The following ARFGAP3 variants were observed in gnomAD, a reference collection of about 807,000 sequenced individuals.
The protein encoded by ARFGAP3 is ARF GTPase activating protein 3.
In ARFGAP3, 72 loss-of-function variants were observed where a neutral mutation model predicts 75.0. That is an observed-to-expected ratio of 0.96 (90% CI 0.79 to 1.17). The LOEUF is 1.17. ARFGAP3 is among the 50% of genes most tolerant of loss of function. The pLI, the probability that ARFGAP3 is intolerant of heterozygous loss-of-function variation, is 0.00. For synonymous variants in ARFGAP3, 221 were observed against 217.9 expected (o/e 1.01, Z -0.13); for missense variants, 620 against 626.6 (o/e 0.99, Z 0.11).
At chr22:42,834,477 C>G in intron 4 of ARFGAP3, 152 bp from the exon 5 acceptor site, 1 of 1,361,400 alleles carries the variant, frequency 7.3e-7, no homozygotes, top group Non-Finnish European at 9.7e-7. Flanking sequence ...AGGACCTCTG[C>G]GTGCACTTTA....
rs566673845 is a variant in ARFGAP3, at chr22:42,823,751, C to T, written c.626-49G>A. ...AGTAAGACCAATAGAAATAATTTTTCTTTTTTAGTGTGTCTTTTAAAATTC... is the reference window on the plus strand; with the variant it reads ...AGTAAGACCAATAGAAATAATTTTTTTTTTTTAGTGTGTCTTTTAAAATTC... On this transcript the variant is annotated intron_variant, in intron 7 of 15. Coordinates refer to ENST00000263245, the MANE Select transcript of ARFGAP3 (RefSeq NM_014570.5). 36 of 1,437,620 alleles carry T rather than the reference C, an allele frequency of 2.5e-5. No individual in the cohort carries two copies. In the African/African-American group the frequency reaches 5.1e-4, roughly 20 times the overall value. The allele number at this position is 1,437,620 out of a possible 1,614,324, so 89.1% of individuals were successfully genotyped here.
intron 11 of ARFGAP3, among the ~76,000 whole-genome samples, chr22:42,811,454 G>A (rs1233509254): frequency 6.6e-6 from 1 of 152,190 alleles, no homozygotes; most frequent in African/African-American, 2.4e-5. Flanking sequence ...GCCTGGTTAG[G>A]CAATCACAAA....
intron 13 of ARFGAP3, among the ~76,000 whole-genome samples, chr22:42,808,038 C>T (rs1925204738): frequency 6.6e-6 from 1 of 151,854 alleles, no homozygotes; most frequent in Non-Finnish European, 1.5e-5. Flanking sequence ...AGCCACAGTG[C>T]CTGGCCAAGT....
chr22:42,853,193 AT>A (rs1343433364), intron 1 of ARFGAP3, among the ~76,000 whole-genome samples: 2 of 152,260 alleles, frequency 1.3e-5, no homozygotes, highest in African/African-American at 2.4e-5. Context: ...CAGTTTAAAA[AT>A]GACAATAGCA....
chr22:42,847,571 AG>A lies in ARFGAP3; in HGVS notation c.130del (p.Leu44PhefsTer16), dbSNP rs1927077614. ...SWASITYGVFLCIDCSGSHRS... is the reference protein window; with the variant it reads ...SWASITYGVFXCIDCSGSHRS... The stretch of plus-strand genomic sequence containing the variant: ...GTGGGACCCTGAGCAATCAATGCAA[AG>A]GAACACTCCATAGGTTATGCTTGCC... On this transcript the variant is annotated frameshift_variant, in exon 2 of 16. Transcript: ENST00000263245. LOFTEE classifies it high-confidence loss of function. 1 of 1,613,906 alleles carries A rather than the reference AG, an allele frequency of 6.2e-7. No individual in the cohort carries two copies. The highest frequency in any genetic ancestry group is 8.5e-7 in the Non-Finnish European group (1 of 1,179,938).
intron 9 of ARFGAP3, 121 bp downstream of exon 9, chr22:42,822,149 T>C (rs750775542): frequency 1.2e-5 from 10 of 807,074 alleles, no homozygotes; most frequent in African/African-American, 5.2e-5. Flanking sequence ...TTCATAAAAC[T>C]GAATTTTGCA....
chr22:42,836,728 G>C (rs771831522), intron 3 of ARFGAP3, among the ~76,000 whole-genome samples: 16 of 152,096 alleles, frequency 1.1e-4, no homozygotes, highest in Non-Finnish European at 2.2e-4. Flanking sequence ...TAATGATATT[G>C]GTCACCCACA....
chr22:42,807,739 C>T (rs1925189573), intron 13 of ARFGAP3, among the ~76,000 whole-genome samples: 1 of 152,066 alleles, frequency 6.6e-6, no homozygotes, highest in African/African-American at 2.4e-5. Flanking sequence ...AACCTCCCCA[C>T]TTCCACTTGA....
chr22:42,801,326 C>A (rs1444681296), intron 14 of ARFGAP3, among the ~76,000 whole-genome samples: 2 of 152,224 alleles, frequency 1.3e-5, no homozygotes, highest in African/African-American at 4.8e-5. Flanking sequence ...GGACACTGAG[C>A]TACACAGTGG....
At chr22:42,807,333 T>C in intron 13 of ARFGAP3, 170 bp from the exon 14 acceptor site, 1 of 908,488 alleles carries the variant, frequency 1.1e-6, no homozygotes, top group South Asian at 5.0e-5. Context: ...AGCACAAAGC[T>C]CATGTTCTGC....
intron 1 of ARFGAP3, among the ~76,000 whole-genome samples, chr22:42,848,487 C>T (rs909264805): frequency 1.3e-5 from 2 of 152,206 alleles, no homozygotes; most frequent in East Asian, 1.9e-4. Context: ...GGATTACAGG[C>T]GTGAGCCACC....
intron 1 of ARFGAP3, among the ~76,000 whole-genome samples, chr22:42,850,161 T>G (rs1927212032): frequency 6.6e-6 from 1 of 152,064 alleles, no homozygotes; most frequent in Non-Finnish European, 1.5e-5. Context: ...GCTGGGCCCA[T>G]AAAATACACA....
At chr22:42,841,093 G>T in intron 2 of ARFGAP3, 77 bp from the exon 3 acceptor site, 1 of 1,547,340 alleles carries the variant, frequency 6.5e-7, no homozygotes, top group East Asian at 2.4e-5. Flanking sequence ...TGAGAACAAG[G>T]TTTCCTTAGG....
chr22:42,808,185 G>A (rs1470616960), intron 13 of ARFGAP3, among the ~76,000 whole-genome samples: 2 of 151,790 alleles, frequency 1.3e-5, no homozygotes, highest in Non-Finnish European at 2.9e-5. Flanking sequence ...ATCACCTGAG[G>A]TCAGGAGTTC....
chr22:42,809,882 T>C (rs1925285000), intron 12 of ARFGAP3, among the ~76,000 whole-genome samples: 1 of 151,528 alleles, frequency 6.6e-6, no homozygotes, highest in South Asian at 2.1e-4. Flanking sequence ...CGGGCGCCTG[T>C]AGTCCCAGCT....
Position 42,822,748 on chromosome 22 carries a change from A to T in ARFGAP3, c.673-339T>A, listed in dbSNP as rs576400437. On this transcript the variant is annotated intron_variant, in intron 8 of 15. Transcript: ENST00000263245. ...TGCCTAAATAATGTAAATGCTATGAAAATAGTTACTAATTCTGTGTTTTTA... is the reference window on the plus strand; with the variant it reads ...TGCCTAAATAATGTAAATGCTATGATAATAGTTACTAATTCTGTGTTTTTA... Among the ~76,000 whole-genome samples, 4 of 152,284 alleles carry T rather than the reference A, an allele frequency of 2.6e-5. No homozygotes were observed. The South Asian group carries it at 6.2e-4, about 24-fold the overall frequency.
intron 12 of ARFGAP3, among the ~76,000 whole-genome samples, chr22:42,809,392 A>G (rs78234903): frequency 3.9e-5 from 6 of 152,326 alleles, no homozygotes; most frequent in Non-Finnish European, 7.3e-5. Flanking sequence ...GGCAAGTAAG[A>G]GGAATGAATA....
intron 3 of ARFGAP3, among the ~76,000 whole-genome samples, chr22:42,838,461 C>T (rs1926636309): frequency 1.3e-5 from 2 of 151,734 alleles, no homozygotes; most frequent in African/African-American, 4.8e-5. Context: ...CTATGCCTTG[C>T]TAATTTTTAA....
chr22:42,805,356 T>C (rs1925072102), intron 14 of ARFGAP3, among the ~76,000 whole-genome samples: 1 of 152,180 alleles, frequency 6.6e-6, no homozygotes, highest in Non-Finnish European at 1.5e-5. Flanking sequence ...AAAACTTCTA[T>C]TGATTTAAAT....
Sources: allele counts gnomAD v4.1 joint callset (sites outside exome capture counted in the v4.1 genomes callset), GRCh38; gene constraint gnomAD v4.1.1; transcripts MANE v1.5; gene names NCBI Gene and HGNC (gene_info 2026-07-23, HGNC 2026-07-21).